Variants in USP14 observed in about 807,000 individuals in gnomAD.
USP14 encodes the protein ubiquitin specific peptidase 14.
A neutral mutation model predicts 76.5 loss-of-function variants in USP14; 38 were observed. That is an observed-to-expected ratio of 0.50 (90% CI 0.38 to 0.65). The LOEUF is 0.65. USP14 is among the 30% of genes least tolerant of loss of function. The pLI, the probability that USP14 is intolerant of heterozygous loss-of-function variation, is 0.00. For missense variants in USP14, 467 were observed against 586.5 expected, an observed-to-expected ratio of 0.80 and a Z score of 2.10; for synonymous variants, 192 against 191.7, an observed-to-expected ratio of 1.00 and a Z score of -0.01.
rs1334409540 is a variant in USP14, at chr18:213,458, T to TAAG, written c.*2175_*2177dup. The TAAG allele has an allele frequency of 6.6e-6, 1 of 152,520 alleles. No individual in the cohort carries two copies. Among genetic ancestry groups the TAAG allele is most frequent in the East Asian group, 1.9e-4 (1 of 5,178 alleles). 9.4% of individuals were successfully genotyped at this position (152,520 alleles called of 1,614,324 possible). On this transcript the variant is annotated 3_prime_UTR_variant, in exon 16 of 16. Coordinates refer to ENST00000261601, the MANE Select transcript of USP14 (RefSeq NM_005151.4). ...TTATACCAGTGTTGTTTTTAACTAA[T>TAAG]AAGGCTATTTTAGAATTCAGCCTTG...
intron 3 of USP14, among the ~76,000 whole-genome samples, chr18:173,198 T>TC (rs1288968777): frequency 2.0e-5 from 3 of 150,280 alleles, no homozygotes; most frequent in South Asian, 2.2e-4. Context: ...AAGCTCCACC[T>TC]CCTGGTTCAC....
intron 2 of USP14, 141 bp from the exon 3 acceptor site, chr18:166,646 T>G: frequency 9.2e-7 from 1 of 1,091,538 alleles, no homozygotes; most frequent in Non-Finnish European, 1.3e-6. Flanking sequence ...AAAAATTTTT[T>G]TAATTGCCAT....
chr18:164,442 C>T (rs907718077), intron 2 of USP14, among the ~76,000 whole-genome samples: 3 of 151,028 alleles, frequency 2.0e-5, no homozygotes, highest in Non-Finnish European at 4.4e-5. Context: ...TACCCATTAA[C>T]GAAGAGCTGT....
rs376953585 is a variant in USP14, at chr18:198,139, T to G, written c.761+7T>G. ...GTGTTGAGTTTGAAACTACGTATCC[T>G]TATGAGCCAAGATATAGACTATACT... On this transcript the variant is annotated splice_region_variant and intron_variant, in intron 9 of 15. Coordinates refer to ENST00000261601, the MANE Select transcript of USP14 (RefSeq NM_005151.4). 9 of 1,599,682 alleles carry G rather than the reference T, an allele frequency of 5.6e-6. No individual in the cohort carries two copies. The highest frequency in any genetic ancestry group is 6.0e-6 in the Non-Finnish European group (7 of 1,171,286).
chr18:187,215 T>C (rs1451821074), intron 5 of USP14, among the ~76,000 whole-genome samples: 4 of 152,210 alleles, frequency 2.6e-5, no homozygotes, highest in African/African-American at 9.6e-5. Context: ...TTGATACACA[T>C]TGATCTTTTA....
At chr18:173,386 C>T (rs946466451) in intron 3 of USP14, among the ~76,000 whole-genome samples, 3 of 151,720 alleles carry the variant, frequency 2.0e-5, no homozygotes, top group Admixed American at 6.6e-5. Flanking sequence ...GCTGGGATTA[C>T]AGGCTTGAGC....
At chr18:179,166 C>A in intron 4 of USP14, 129 bp downstream of exon 4, 1 of 609,540 alleles carries the variant, frequency 1.6e-6, no homozygotes, top group Non-Finnish European at 2.7e-6. Context: ...ATATTTTTAG[C>A]AGTAAATAAG....
At position 196,735 on chromosome 18, in the gene USP14, G is replaced by A. The variant is rs1228142482; in HGVS notation, c.562G>A (p.Glu188Lys). The A allele has an allele frequency of 3.7e-6, 6 of 1,614,002 alleles. No individual in the cohort carries two copies. Among genetic ancestry groups the A allele is most frequent in the East Asian group, 2.2e-5 (1 of 44,862 alleles). ...GCACATGGCTTTCCCACAGTTTGCC[G>A]AGAAAGGTGAACAAGGACAGTATCT... ...FLHMAFPQFA[E>K]KGEQGQYLQQ... is the part of the protein sequence containing the mutation. Residue 188 changes from glutamate (E) to lysine (K), a missense_variant, in exon 7 of 16, where the codon GAG (glutamate) becomes AAG (lysine). Transcript: ENST00000261601.
intron 1 of USP14, among the ~76,000 whole-genome samples, chr18:160,606 T>G (rs2144202505): frequency 6.6e-6 from 1 of 152,390 alleles, no homozygotes. Context: ...CGTAATCCTG[T>G]GATACTGGTA....
At chr18:169,360 CAAAAAA>C (rs11336218) in intron 3 of USP14, among the ~76,000 whole-genome samples, 4 of 79,384 alleles carry the variant, frequency 5.0e-5, no homozygotes, top group African/African-American at 1.9e-4. Context: ...GACTCTACCT[CAAAAAA>C]AAAAAAAAAA....
At chr18:183,806 G>A (rs1230152558) in intron 5 of USP14, among the ~76,000 whole-genome samples, 19 of 151,040 alleles carry the variant, frequency 1.3e-4, no homozygotes, top group Admixed American at 1.3e-3. Flanking sequence ...GGATGTAAGG[G>A]TTGTTCTTCC....
chr18:196,424 T>G (rs1304725698), intron 6 of USP14: 9 of 369,204 alleles, frequency 2.4e-5, no homozygotes, highest in Admixed American at 4.4e-5. Context: ...CTCTGGAGGC[T>G]GAGGCAGGAG....
In USP14 at chr18:212,994, G is replaced by A. The variant is rs1029455852; in HGVS notation, c.*1710G>A. The A allele has an allele frequency of 3.3e-5, 5 of 152,328 alleles. No individual in the cohort carries two copies. Among genetic ancestry groups the A allele is most frequent in the Admixed American group, 2.6e-4 (4 of 15,292 alleles). 9.4% of individuals were successfully genotyped at this position (152,328 alleles called of 1,614,324 possible). ...ACTAGGAGGGGATAAAATAAGCATT[G>A]CAGGGAAACTTATTTGTAAATAGCT... On this transcript the variant is annotated 3_prime_UTR_variant, in exon 16 of 16. Coordinates refer to ENST00000261601, the MANE Select transcript of USP14 (RefSeq NM_005151.4).
intron 3 of USP14, among the ~76,000 whole-genome samples, chr18:170,045 T>A (rs1273501880): frequency 6.6e-6 from 1 of 152,120 alleles, no homozygotes; most frequent in Non-Finnish European, 1.5e-5. Context: ...CTCACACCTG[T>A]AATCCTAGCA....
intron 3 of USP14, among the ~76,000 whole-genome samples, chr18:174,542 A>G (rs962296520): frequency 1.3e-5 from 2 of 151,280 alleles, no homozygotes; most frequent in Admixed American, 1.3e-4. Context: ...CTGGGATTAT[A>G]GGTGTAAGCC....
Position 210,381 on chromosome 18 carries a change from T to C in USP14, c.1226-5T>C, listed in dbSNP as rs770610018. ...TAATATTAATGGATTTACATCTTTC[T>C]TTAGATATTGGCTCCAATAATTGTG... is the stretch of plus-strand genomic sequence containing the variant. On this transcript the variant is annotated splice_region_variant and splice_polypyrimidine_tract_variant and intron_variant, in intron 14 of 15. Coordinates refer to ENST00000261601, the MANE Select transcript of USP14 (RefSeq NM_005151.4). 16 of 1,583,612 alleles carry C rather than the reference T, an allele frequency of 1.0e-5. No individual in the cohort carries two copies. The highest frequency in any genetic ancestry group is 1.7e-4 in the Middle Eastern group (1 of 5,970).
chr18:197,725 C>CT, intron 8 of USP14, 29 bp downstream of exon 8: 2 of 1,549,242 alleles, frequency 1.3e-6, no homozygotes, highest in South Asian at 1.2e-5. Flanking sequence ...TGATTATAGA[C>CT]TTTCGTTATA....
At chr18:180,827 T>A (rs535359007) in intron 5 of USP14, among the ~76,000 whole-genome samples, 11 of 151,452 alleles carry the variant, frequency 7.3e-5, no homozygotes, top group Non-Finnish European at 1.5e-5. Flanking sequence ...ACCTCATTCC[T>A]ATTTTATGGC....
chr18:196,354 T>TAA (rs976511160), intron 6 of USP14, among the ~76,000 whole-genome samples: 2 of 141,564 alleles, frequency 1.4e-5, no homozygotes, highest in African/African-American at 5.2e-5. Flanking sequence ...CCATCTCTAC[T>TAA]AAAAAAAAAA....
Sources: allele counts gnomAD v4.1 joint callset (sites outside exome capture counted in the v4.1 genomes callset), GRCh38; gene constraint gnomAD v4.1.1; transcripts MANE v1.5; gene names NCBI Gene and HGNC (gene_info 2026-07-23, HGNC 2026-07-21).